The following AKR1B1 variants were observed in gnomAD, a reference collection of about 807,000 sequenced individuals.
AKR1B1 encodes the protein aldo-keto reductase family 1 member B1.
Under a neutral mutation model 40.4 loss-of-function variants are expected in AKR1B1, and 22 were observed. That is an observed-to-expected ratio of 0.54 (90% confidence interval 0.39 to 0.78). The LOEUF (loss-of-function observed/expected upper bound fraction) is 0.78. Among genes scored for constraint, AKR1B1 ranks in the 30% least tolerant of loss-of-function variants. The pLI is 0.00. For missense variants in AKR1B1, 357 were observed against 396.7 expected (o/e 0.90, Z 0.85); for synonymous variants, 157 against 149.9 (o/e 1.05, Z -0.35).
rs145261078 is a variant in AKR1B1 at position 134,447,371 on chromosome 7, C to T, written c.752G>A (p.Arg251Gln). Residue 251 changes from arginine to glutamine, a missense_variant, in exon 8 of 10, where the codon CGG becomes CAG. By Grantham distance (43) the Arg-to-Gln change is conservative. Transcript: ENST00000285930. ...CACCAAGTTCCTCTGCATGGGGAACCGGATCAGGACCTGTGAGCCCAAGGA... is the reference window on the plus strand; with the variant it reads ...CACCAAGTTCCTCTGCATGGGGAACTGGATCAGGACCTGTGAGCCCAAGGA... ...HNKTTAQVLI[R>Q]FPMQRNLVVI... The T allele has an allele frequency of 3.0e-5, 49 of 1,613,842 alleles. No individual in the cohort carries two copies. Among genetic ancestry groups the T allele is most frequent in the African/African-American group, 2.8e-4 (21 of 74,914 alleles).
At position 134,448,790 on chromosome 7, in the gene AKR1B1, C is replaced by A. The variant is rs548049351; in HGVS notation, c.552+207G>T. On this transcript the variant is annotated intron_variant, in intron 5 of 9. Transcript: ENST00000285930. Reference sequence around the variant, plus strand: ...GCTGCCTCTTTGTCAGACCCCAAATCGTCACAAGCCAGGCTCAAACTCTTT... The same window carrying A: ...GCTGCCTCTTTGTCAGACCCCAAATAGTCACAAGCCAGGCTCAAACTCTTT... Among the ~76,000 whole-genome samples, 6 of 152,226 alleles carry A rather than the reference C, an allele frequency of 3.9e-5. No individual in the cohort carries two copies. In the South Asian group the frequency reaches 1.2e-3, roughly 32 times the overall value.
At chr7:134,444,988 T>G (rs752652473) in intron 9 of AKR1B1, 12 of 589,074 alleles carry the variant, frequency 2.0e-5, no homozygotes, top group Non-Finnish European at 3.0e-6. Context: ...AGCCAAAATA[T>G]GTAGTTACTT....
chr7:134,447,352 G>C lies in AKR1B1; in HGVS notation c.771C>G (p.Asn257Lys). 1 of 1,614,170 alleles carries C rather than the reference G, an allele frequency of 6.2e-7. No individual in the cohort carries two copies. The highest frequency in any genetic ancestry group is 8.5e-7 in the Non-Finnish European group (1 of 1,180,024). ...TCACAGACTTGGGGATCACCACCAA[G>C]TTCCTCTGCATGGGGAACCGGATCA... The part of the protein sequence containing the change: ...QVLIRFPMQR[N>K]LVVIPKSVTP... Residue 257 changes from asparagine to lysine, a missense_variant, in exon 8 of 10, where the codon AAC (asparagine) becomes AAG (lysine). Coordinates refer to ENST00000285930, the MANE Select transcript of AKR1B1 (RefSeq NM_001628.4).
intron 9 of AKR1B1, 117 bp from the exon 10 acceptor site, chr7:134,442,887 A>G: frequency 7.0e-6 from 7 of 999,084 alleles, no homozygotes; most frequent in Non-Finnish European, 1.1e-5. Flanking sequence ...CTCAGAGGCA[A>G]CAAGCTAGTT....
Position 134,447,993 on chromosome 7 carries a change from T to C in AKR1B1, c.728A>G (p.Lys243Arg), listed in dbSNP as rs1585710275. Reference sequence around the variant, plus strand: ...AAGTGGCTGTACCTGGGCTGTAGTTTTATTGTGCTTGGCTGCGATCGCCTT... The same window carrying C: ...AAGTGGCTGTACCTGGGCTGTAGTTCTATTGTGCTTGGCTGCGATCGCCTT... ...RIKAIAAKHN[K>R]TTAQVLIRFP... Residue 243 changes from lysine (K) to arginine (R), a missense_variant, in exon 7 of 10, where the codon AAA becomes AGA. Lys to Arg is a conservative substitution (Grantham distance 26, BLOSUM62 2). Transcript: ENST00000285930. 6 of 1,612,860 alleles carry C rather than the reference T, an allele frequency of 3.7e-6. No individual in the cohort carries two copies. The East Asian group carries it at 1.3e-4, about 36-fold the overall frequency.
intron 2 of AKR1B1, 92 bp from the exon 3 acceptor site, chr7:134,450,994 A>C: frequency 2.9e-6 from 3 of 1,028,642 alleles, no homozygotes; most frequent in Non-Finnish European, 4.5e-6. Flanking sequence ...CCCAAAACCC[A>C]TTTGCTTTAC....
chr7:134,459,067 G>A lies in AKR1B1; in HGVS notation c.-5C>T, dbSNP rs757295360. 21 of 1,601,580 alleles carry A rather than the reference G, an allele frequency of 1.3e-5. 2 individuals carry two copies. The South Asian group carries it at 1.4e-4, about 10-fold the overall frequency. On this transcript the variant is annotated 5_prime_UTR_variant, in exon 1 of 10. Transcript: ENST00000285930. The stretch of plus-strand genomic sequence containing the variant: ...GAGCAGGAGACGGCTTGCCATGGCT[G>A]CTGCGCTCCCCAGACCCCCGCCCAG...
intron 6 of AKR1B1, 55 bp from the exon 7 acceptor site, chr7:134,448,116 C>G (rs1806160988): frequency 7.0e-7 from 1 of 1,425,712 alleles, no homozygotes; most frequent in Non-Finnish European, 9.8e-7. Context: ...CTCACAGCAG[C>G]CAGAAACCCC....
chr7:134,447,235 G>A (rs912727061), intron 8 of AKR1B1, 63 bp downstream of exon 8: 236 of 1,388,648 alleles, frequency 1.7e-4, no homozygotes, highest in Non-Finnish European at 2.3e-4. Context: ...GAGACAGGAT[G>A]AGAGGCCTCC....
intron 1 of AKR1B1, among the ~76,000 whole-genome samples, chr7:134,456,223 G>A (rs1471800139): frequency 6.6e-6 from 1 of 151,816 alleles, no homozygotes; most frequent in Non-Finnish European, 1.5e-5. Context: ...TTTTTTAGAT[G>A]GAGTCTTGCT....
rs1186478455 is a variant in AKR1B1, at chr7:134,448,434, G to A, written c.612C>T (p.Gly204=). The A allele has an allele frequency of 2.5e-6, 4 of 1,613,882 alleles. No homozygotes were observed. The highest frequency in any genetic ancestry group is 3.4e-6 in the Non-Finnish European group (4 of 1,179,918). The part of the protein sequence containing the change: ...EKLIQYCQSK[G]IVVTAYSPLG... Reference sequence around the variant, plus strand: ...GGGGGCTGTAGGCGGTCACCACGATGCCTTTGGACTGGCAGTACTGGATTA... The same window carrying A: ...GGGGGCTGTAGGCGGTCACCACGATACCTTTGGACTGGCAGTACTGGATTA... Residue 204 remains glycine (G), a synonymous_variant, in exon 6 of 10, where the codon GGC becomes GGT. Coordinates refer to ENST00000285930, the MANE Select transcript of AKR1B1 (RefSeq NM_001628.4).
At chr7:134,449,308 C>G in intron 4 of AKR1B1, 189 bp from the exon 5 acceptor site, 3 of 797,292 alleles carry the variant, frequency 3.8e-6, no homozygotes, top group South Asian at 3.0e-5. Flanking sequence ...GCAAACAGGC[C>G]GGGCGCGGTG....
In AKR1B1 at chr7:134,447,715, C is replaced by T. The variant is rs557762786; in HGVS notation, c.741+265G>A. 2.6e-5 allele frequency: 16 copies of T among 617,240 alleles called. No homozygotes were observed. In the African/African-American group the frequency reaches 2.8e-4, roughly 11 times the overall value. The allele number at this position is 617,240 out of a possible 1,614,324, so 38.2% of individuals were successfully genotyped here. ...ACGGCTAAGAGCTCTTACATTTGTA[C>T]AGATGAGGTTCCACATGAATGAACA... On this transcript the variant is annotated intron_variant, in intron 7 of 9. Transcript: ENST00000285930.
rs777017519 is a variant in AKR1B1, at chr7:134,447,360, G to A, written c.763C>T (p.Gln255Ter). 4 of 1,614,106 alleles carry A rather than the reference G, an allele frequency of 2.5e-6. No homozygotes were observed. The highest frequency in any genetic ancestry group is 3.4e-6 in the Non-Finnish European group (4 of 1,180,006). ...TTGGGGATCACCACCAAGTTCCTCT[G>A]CATGGGGAACCGGATCAGGACCTGT... is the stretch of plus-strand genomic sequence containing the variant. ...TAQVLIRFPM[Q>*]RNLVVIPKSV... is the part of the protein sequence containing the mutation. The change falls in exon 8 of 10, where the codon CAG (glutamine) becomes TAG (stop). Residue 255 changes from glutamine to a stop codon, truncating the protein, a stop_gained. Transcript: ENST00000285930. LOFTEE classifies it high-confidence loss of function.
Position 134,448,189 on chromosome 7 carries a change from AG to A in AKR1B1, c.660-129del. The stretch of plus-strand genomic sequence containing the variant: ...CAGTCTCCTCCTCAGAGCTGGGTTA[AG>A]AACCCCCAACCCTTTGGAAAAAGAG... On this transcript the variant is annotated intron_variant, in intron 6 of 9. Coordinates refer to ENST00000285930, the MANE Select transcript of AKR1B1 (RefSeq NM_001628.4). 3 of 934,686 alleles carry A rather than the reference AG, an allele frequency of 3.2e-6. No individual in the cohort carries two copies. The South Asian group carries it at 4.2e-5, about 13-fold the overall frequency. The allele number at this position is 934,686 out of a possible 1,614,324, so 57.9% of individuals were successfully genotyped here. A position where few individuals can be genotyped will look rare whatever the true frequency, so the allele number is the denominator to read the frequency against.
In AKR1B1 at chr7:134,442,743, G is replaced by A. The variant is rs116049631; in HGVS notation, c.936C>T (p.Phe312=). The A allele has an allele frequency of 1.2e-3, 1,874 of 1,614,162 alleles. 6 individuals are homozygous for A. The highest frequency in any genetic ancestry group is 3.3e-3 in the Middle Eastern group (20 of 6,062). The change falls in exon 10 of 10, where the codon TTC becomes TTT. Residue 312 remains phenylalanine (F), a synonymous_variant. Coordinates refer to ENST00000285930, the MANE Select transcript of AKR1B1 (RefSeq NM_001628.4). ...LSCTSHKDYP[F]HEEF ...AACCACAGCTTCAAAACTCTTCATG[G>A]AAGGGGTAATCCTTGTGGGAGGTAC... is the stretch of plus-strand genomic sequence containing the variant.
At position 134,443,581 on chromosome 7, in the gene AKR1B1, G is replaced by GGGCAGGGAGCACAT. The variant is rs1313686959; in HGVS notation, c.909-825_909-812dup. On this transcript the variant is annotated intron_variant, in intron 9 of 9. Coordinates refer to ENST00000285930, the MANE Select transcript of AKR1B1 (RefSeq NM_001628.4). ...TATTGGAAACAGGGCAGGGAGCACA[G>GGGCAGGGAGCACAT]GGCAGGGAGCACATGGCAGGGAGCA... is the stretch of plus-strand genomic sequence containing the variant. Among the ~76,000 whole-genome samples, 16 of 151,468 alleles carry GGGCAGGGAGCACAT rather than the reference G, an allele frequency of 1.1e-4. 1 individual carries two copies. Among genetic ancestry groups the GGGCAGGGAGCACAT allele is most frequent in the Admixed American group, 5.3e-4 (8 of 15,192 alleles).
At chr7:134,443,428 T>C (rs62466189) in intron 9 of AKR1B1, among the ~76,000 whole-genome samples, 2 of 147,816 alleles carry the variant, frequency 1.4e-5, no homozygotes, top group African/African-American at 4.9e-5. Context: ...AAAAAAGGGA[T>C]GTTAAAAGTC....
chr7:134,449,313 G>A lies in AKR1B1; in HGVS notation c.430-194C>T, dbSNP rs183853929. The A allele has an allele frequency of 4.6e-3, 3,518 of 763,838 alleles. 13 individuals carry two copies. Among genetic ancestry groups the A allele is most frequent in the Non-Finnish European group, 5.7e-3 (2,597 of 454,896 alleles). 47.3% of individuals were successfully genotyped at this position (763,838 alleles called of 1,614,324 possible). ...GATAAGAAGAGCAAACAGGCCGGGC[G>A]CGGTGGCTCACGCCTGTAATCCCAG... On this transcript the variant is annotated intron_variant, in intron 4 of 9. Coordinates refer to ENST00000285930, the MANE Select transcript of AKR1B1 (RefSeq NM_001628.4).
Sources: gnomAD v4.1 joint callset for allele counts (sites outside exome capture counted in the v4.1 genomes callset) on GRCh38, gnomAD v4.1.1 for gene constraint, MANE v1.5 for transcripts, NCBI Gene and HGNC (gene_info 2026-07-23, HGNC 2026-07-21) for gene names.